Variants in LRP6 observed in about 807,000 individuals in gnomAD.
The protein encoded by LRP6 is low-density lipoprotein receptor-related protein 6.
Under a neutral mutation model 184.1 loss-of-function variants are expected in LRP6, and 43 were observed. That is an observed-to-expected ratio of 0.23 (90% confidence interval 0.18 to 0.30). LRP6 has a LOEUF of 0.30. Ranked by LOEUF, LRP6 falls within the 10% of genes least tolerant of loss-of-function variation. The probability of loss-of-function intolerance (pLI) is 1.00; values close to 1 mark genes in which losing one functional copy is unlikely to be tolerated. For missense variants in LRP6, 1,571 were observed against 2,005.3 expected, an observed-to-expected ratio of 0.78 and a Z score of 4.14; for synonymous variants, 719 against 684.9, an observed-to-expected ratio of 1.05 and a Z score of -0.78.
At chr12:12,140,864 A>C (rs1949923854) in intron 15 of LRP6, among the ~76,000 whole-genome samples, 1 of 152,174 alleles carries the variant, frequency 6.6e-6, no homozygotes, top group African/African-American at 2.4e-5. Flanking sequence ...AGCCTCCAAA[A>C]GTGCTGGGAT....
chr12:12,249,670 CAGAAGGAAGGAAGGAAGGAA>C (rs1685812608), intron 1 of LRP6, among the ~76,000 whole-genome samples: 3 of 117,246 alleles, frequency 2.6e-5, no homozygotes, highest in Non-Finnish European at 3.4e-5. Context: ...TGTGCTATAA[CAGAAGGAAGGAAGGAAGGAA>C]GGAAGGAAGG....
chr12:12,242,501 C>T (rs1313892551), intron 2 of LRP6, among the ~76,000 whole-genome samples: 1 of 152,224 alleles, frequency 6.6e-6, no homozygotes, highest in East Asian at 1.9e-4. Flanking sequence ...CACCAAAATC[C>T]TATGTGTTCT....
intron 22 of LRP6, among the ~76,000 whole-genome samples, chr12:12,123,636 T>C (rs1315430812): frequency 1.3e-5 from 2 of 152,204 alleles, no homozygotes; most frequent in Non-Finnish European, 2.9e-5. Context: ...AAGCTACTGA[T>C]GGTCTGTTGG....
chr12:12,126,573 T>C lies in LRP6; in HGVS notation c.4312+118A>G. 7.3e-6 allele frequency: 6 copies of C among 819,516 alleles called. No homozygotes were observed. In the Middle Eastern group the frequency reaches 1.6e-3, roughly 217 times the overall value. 50.8% of individuals were successfully genotyped at this position (819,516 alleles called of 1,614,324 possible). ...AAAAGAACGTTTGTCCTTATAATTG[T>C]TTAAACTCAGAGTAATATGGTTTCA... On this transcript the variant is annotated intron_variant, in intron 20 of 22. Transcript: ENST00000261349.
chr12:12,128,142 C>G (rs190224570), intron 19 of LRP6, among the ~76,000 whole-genome samples: 1 of 152,248 alleles, frequency 6.6e-6, no homozygotes, highest in East Asian at 1.9e-4. Context: ...ACTTTTCTGT[C>G]AACAGTCAAA....
At chr12:12,219,065 G>A (rs114197934) in intron 2 of LRP6, among the ~76,000 whole-genome samples, 1,592 of 103,890 alleles carry the variant, frequency 0.015, 21 homozygotes, top group African/African-American at 0.055. Context: ...TGGTGAAATC[G>A]CACCGAGATC....
At chr12:12,155,980 G>A (rs1950147113) in intron 12 of LRP6, among the ~76,000 whole-genome samples, 2 of 151,902 alleles carry the variant, frequency 1.3e-5, no homozygotes, top group African/African-American at 2.4e-5. Context: ...ATATGTCAAT[G>A]AAGAAAACAG....
At chr12:12,256,128 A>G (rs1865458677) in intron 1 of LRP6, among the ~76,000 whole-genome samples, 1 of 152,098 alleles carries the variant, frequency 6.6e-6, no homozygotes, top group South Asian at 2.1e-4. Context: ...AATTTCTAAT[A>G]CCTCTTCTAT....
At position 12,244,299 on chromosome 12, in the gene LRP6, C is replaced by T; in HGVS notation, c.412G>A (p.Asp138Asn). ...TCTAAGGCAATAGCTCTGGGTTGAT[C>T]CAACTCTTGCCAAAATAAAACTTTT... ...LRKVLFWQEL[D>N]QPRAIALDPS... is the part of the protein sequence containing the mutation. Residue 138 changes from aspartate to asparagine, a missense_variant, in exon 2 of 23, where the codon GAT becomes AAT. This residue lies in a region of LRP6 where 640 missense variants were observed against 851.9 expected (regional missense o/e 0.75). Coordinates refer to ENST00000261349, the MANE Select transcript of LRP6 (RefSeq NM_002336.3). 6.2e-7 allele frequency: 1 copy of T among 1,614,100 alleles called. No homozygotes were observed. Among genetic ancestry groups the T allele is most frequent in the Non-Finnish European group, 8.5e-7 (1 of 1,180,018 alleles).
At chr12:12,150,622 T>G (rs1167969018) in intron 13 of LRP6, among the ~76,000 whole-genome samples, 2 of 152,128 alleles carry the variant, frequency 1.3e-5, no homozygotes, top group African/African-American at 4.8e-5. Context: ...ACAGCTTAAG[T>G]ACGCCTAACA....
chr12:12,230,216 A>C (rs1253130906), intron 2 of LRP6, among the ~76,000 whole-genome samples: 1 of 152,204 alleles, frequency 6.6e-6, no homozygotes, highest in Non-Finnish European at 1.5e-5. Flanking sequence ...AAATAAAAAT[A>C]TCTCAAACTG....
At chr12:12,169,168 G>T (rs1003095156) in intron 7 of LRP6, among the ~76,000 whole-genome samples, 3 of 152,000 alleles carry the variant, frequency 2.0e-5, no homozygotes, top group African/African-American at 7.3e-5. Flanking sequence ...GGCAGAGGTT[G>T]CAGTGAGCCA....
At chr12:12,236,929 C>T (rs528451601) in intron 2 of LRP6, among the ~76,000 whole-genome samples, 11 of 151,570 alleles carry the variant, frequency 7.3e-5, no homozygotes, top group African/African-American at 2.4e-4. Flanking sequence ...TTTTTTGAGG[C>T]TTTTTATATA....
intron 7 of LRP6, among the ~76,000 whole-genome samples, chr12:12,179,190 T>C (rs981215854): frequency 2.0e-5 from 3 of 152,190 alleles, no homozygotes. Flanking sequence ...CATAATCTAT[T>C]TGATTGCCAC....
At chr12:12,126,997 T>C (rs1213369383) in intron 19 of LRP6, 76 bp from the exon 20 acceptor site, 6 of 1,207,636 alleles carry the variant, frequency 5.0e-6, no homozygotes, top group Non-Finnish European at 7.3e-6. Flanking sequence ...AAAGAGGGCT[T>C]GCTAATAGGA....
At chr12:12,252,180 G>C (rs534251194) in intron 1 of LRP6, among the ~76,000 whole-genome samples, 1 of 152,162 alleles carries the variant, frequency 6.6e-6, no homozygotes, top group South Asian at 2.1e-4. Context: ...CCACCGCACT[G>C]AACTAAAATC....
chr12:12,156,498 A>G (rs1368960417), intron 12 of LRP6, among the ~76,000 whole-genome samples: 1 of 152,236 alleles, frequency 6.6e-6, no homozygotes, highest in South Asian at 2.1e-4. Context: ...GTAGGCCATT[A>G]TAAGAACTAG....
chr12:12,178,986 A>G (rs1863264951), intron 7 of LRP6, among the ~76,000 whole-genome samples: 1 of 152,184 alleles, frequency 6.6e-6, no homozygotes, highest in African/African-American at 2.4e-5. Context: ...CTGAAGAGCC[A>G]TTTAAAGCCA....
chr12:12,222,103 G>T (rs1864504178), intron 2 of LRP6, among the ~76,000 whole-genome samples: 1 of 152,136 alleles, frequency 6.6e-6, no homozygotes, highest in South Asian at 2.1e-4. Context: ...TGGGAAGGGG[G>T]ATTTGAAAAG....
Sources: allele counts gnomAD v4.1 joint callset (sites outside exome capture counted in the v4.1 genomes callset), GRCh38; gene constraint gnomAD v4.1.1; regional missense constraint gnomAD v4.1.1; transcripts MANE v1.5; gene names NCBI Gene and HGNC (gene_info 2026-07-23, HGNC 2026-07-21).